The following XPNPEP3 variants were observed in gnomAD, a reference collection of about 807,000 sequenced individuals.
XPNPEP3 encodes the protein xaa-Pro aminopeptidase 3.
Under a neutral mutation model 60.0 loss-of-function variants are expected in XPNPEP3, and 41 were observed. The observed-to-expected ratio is 0.68, with a 90% CI of 0.53 to 0.89. The LOEUF is 0.89. Among genes scored for constraint, XPNPEP3 ranks in the 40% least tolerant of loss-of-function variants. The pLI, the probability that XPNPEP3 is intolerant of heterozygous loss-of-function variation, is 0.00. For missense variants in XPNPEP3, 598 were observed against 638.9 expected, an observed-to-expected ratio of 0.94 and a Z score of 0.69; for synonymous variants, 212 against 223.2, an observed-to-expected ratio of 0.95 and a Z score of 0.45.
intron 2 of XPNPEP3, among the ~76,000 whole-genome samples, chr22:40,877,964 T>A (rs146696461): frequency 9.8e-5 from 15 of 152,312 alleles, no homozygotes; most frequent in African/African-American, 2.9e-4. Context: ...CCCAGCATTT[T>A]GGGAGGCCGA....
intron 3 of XPNPEP3, among the ~76,000 whole-genome samples, chr22:40,882,842 T>TA (rs891847437): frequency 4.0e-5 from 6 of 151,482 alleles, no homozygotes; most frequent in South Asian, 2.1e-4. Flanking sequence ...ACATTTCAAT[T>TA]AAAAAAAAAC....
intron 3 of XPNPEP3, among the ~76,000 whole-genome samples, chr22:40,884,706 A>G (rs757909621): frequency 5.3e-5 from 8 of 151,384 alleles, no homozygotes; most frequent in Non-Finnish European, 1.0e-4. Context: ...TTGAACGTGT[A>G]GTAGAGATTG....
intron 1 of XPNPEP3, among the ~76,000 whole-genome samples, chr22:40,858,628 T>G (rs892483626): frequency 2.7e-5 from 4 of 145,906 alleles, no homozygotes; most frequent in African/African-American, 5.1e-5. Context: ...ACCTCCCGAG[T>G]TCAAGCGATT....
chr22:40,857,392 G>C, intron 1 of XPNPEP3, 147 bp downstream of exon 1: 1 of 911,960 alleles, frequency 1.1e-6, no homozygotes, highest in Non-Finnish European at 1.7e-6. Context: ...CTTCTATACC[G>C]GCTGCTCCTG....
chr22:40,860,996 T>A (rs966522762), intron 1 of XPNPEP3: 3 of 1,415,278 alleles, frequency 2.1e-6, no homozygotes, highest in Non-Finnish European at 2.9e-6. Flanking sequence ...TTAAGTGTTA[T>A]CTACAAAATT....
At chr22:40,923,993 T>C (rs1304979957) in intron 8 of XPNPEP3, among the ~76,000 whole-genome samples, 1 of 152,194 alleles carries the variant, frequency 6.6e-6, no homozygotes, top group Non-Finnish European at 1.5e-5. Flanking sequence ...ACTGTGATAA[T>C]AGTCATCCTC....
At chr22:40,861,708 A>C (rs201220691) in intron 1 of XPNPEP3, 2 of 1,613,992 alleles carry the variant, frequency 1.2e-6, no homozygotes, top group Non-Finnish European at 1.7e-6. Context: ...TTCTTTAAAA[A>C]CATCATCTGG....
At chr22:40,908,107 A>C (rs914012381) in intron 5 of XPNPEP3, among the ~76,000 whole-genome samples, 6 of 152,146 alleles carry the variant, frequency 3.9e-5, no homozygotes, top group African/African-American at 1.4e-4. Flanking sequence ...CCAGCTATTC[A>C]AGTGGCTGAG....
At position 40,857,217 on chromosome 22, in the gene XPNPEP3, C is replaced by T. The variant is rs1161200747; in HGVS notation, c.36C>T (p.Pro12=). 1.2e-6 allele frequency: 2 copies of T among 1,614,084 alleles called. No homozygotes were observed. The highest frequency in any genetic ancestry group is 1.7e-6 in the Non-Finnish European group (2 of 1,180,036). Residue 12 remains proline, a synonymous_variant, in exon 1 of 10, where the codon CCC becomes CCT. Transcript: ENST00000357137. ...PWLLSAPKLV[P]AVANVRGLSG... Reference sequence around the variant, plus strand: ...TGCTCTCAGCCCCCAAGCTGGTTCCCGCTGTAGCAAACGTCCGCGGCCTCT... The same window carrying T: ...TGCTCTCAGCCCCCAAGCTGGTTCCTGCTGTAGCAAACGTCCGCGGCCTCT...
At chr22:40,880,304 C>T (rs2058042516) in intron 2 of XPNPEP3, among the ~76,000 whole-genome samples, 1 of 151,704 alleles carries the variant, frequency 6.6e-6, no homozygotes, top group Non-Finnish European at 1.5e-5. Flanking sequence ...ATGGAGGCAT[C>T]AAGCAGAATG....
Position 40,882,187 on chromosome 22 carries a change from G to T in XPNPEP3, c.589+10G>T. ...CTACCAAAAATGAAAGGTAACAAAT[G>T]GGAGCAGAAGTCACATTACAAACCA... On this transcript the variant is annotated intron_variant, in intron 3 of 9. Transcript: ENST00000357137. 1 of 1,613,862 alleles carries T rather than the reference G, an allele frequency of 6.2e-7. No individual in the cohort carries two copies. The highest frequency in any genetic ancestry group is 8.5e-7 in the Non-Finnish European group (1 of 1,179,998).
At chr22:40,886,238 A>G in intron 3 of XPNPEP3, 75 bp from the exon 4 acceptor site, 1 of 1,473,702 alleles carries the variant, frequency 6.8e-7, no homozygotes, top group Non-Finnish European at 9.4e-7. Flanking sequence ...CTCTTGTTCA[A>G]GTCGTTATGA....
At chr22:40,884,492 G>C (rs2058060798) in intron 3 of XPNPEP3, among the ~76,000 whole-genome samples, 1 of 151,152 alleles carries the variant, frequency 6.6e-6, no homozygotes, top group Non-Finnish European at 1.5e-5. Context: ...ACCATGCCCG[G>C]GGAATTTTTC....
chr22:40,882,103 G>C lies in XPNPEP3; in HGVS notation c.515G>C (p.Gly172Ala), dbSNP rs1249652741. The part of the protein sequence containing the change: ...LWDGPRSGTD[G>A]AIALTGVDEA... The stretch of plus-strand genomic sequence containing the variant: ...GATGGTCCGCGATCTGGCACTGATG[G>C]AGCAATAGCTCTAACTGGAGTAGAC... Residue 172 changes from glycine (G) to alanine (A), a missense_variant, in exon 3 of 10, where the codon GGA becomes GCA. By Grantham distance (60) the Gly-to-Ala change is moderately conservative (BLOSUM62 0). Coordinates refer to ENST00000357137, the MANE Select transcript of XPNPEP3 (RefSeq NM_022098.4). 4 of 1,614,004 alleles carry C rather than the reference G, an allele frequency of 2.5e-6. No individual in the cohort carries two copies. The highest frequency in any genetic ancestry group is 3.4e-6 in the Non-Finnish European group (4 of 1,180,010).
chr22:40,928,398 G>A lies in XPNPEP3; in HGVS notation c.*1963G>A, dbSNP rs2058243210. On this transcript the variant is annotated 3_prime_UTR_variant, in exon 10 of 10. Transcript: ENST00000357137. ...ATTTTTTGTATTTTAGTAGAGACAG[G>A]GTTTCACCCTGTTGCCCAGGCCGGT... 1 of 152,062 alleles carries A rather than the reference G, an allele frequency of 6.6e-6. No individual in the cohort carries two copies. Among genetic ancestry groups the A allele is most frequent in the African/African-American group, 2.4e-5 (1 of 41,412 alleles). The allele number at this position is 152,062 out of a possible 1,614,324, so 9.4% of individuals were successfully genotyped here. A position where few individuals can be genotyped will look rare whatever the true frequency, so the allele number is the denominator to read the frequency against.
chr22:40,886,991 C>T (rs1698041927), intron 4 of XPNPEP3, among the ~76,000 whole-genome samples: 1 of 152,040 alleles, frequency 6.6e-6, no homozygotes, highest in Non-Finnish European at 1.5e-5. Flanking sequence ...TGCTTAATAC[C>T]TTGCAAGACA....
chr22:40,907,425 AAAAAAC>A (rs1259097116), intron 4 of XPNPEP3, among the ~76,000 whole-genome samples, 156 bp from the exon 5 acceptor site: 1 of 152,192 alleles, frequency 6.6e-6, no homozygotes, highest in African/African-American at 2.4e-5. Flanking sequence ...CGTCTCAAAA[AAAAAAC>A]AAAAAAAACT....
chr22:40,874,530 A>G (rs1439843114), intron 2 of XPNPEP3, among the ~76,000 whole-genome samples: 2 of 152,026 alleles, frequency 1.3e-5, no homozygotes, highest in Admixed American at 1.3e-4. Context: ...GGGTCAAACA[A>G]TCTTCCTGTC....
chr22:40,881,661 T>A, intron 2 of XPNPEP3, 109 bp from the exon 3 acceptor site: 5 of 1,286,996 alleles, frequency 3.9e-6, no homozygotes, highest in Non-Finnish European at 5.6e-6. Flanking sequence ...TGAGGAGATT[T>A]GGCATAAATT....
Sources: allele counts gnomAD v4.1 joint callset (sites outside exome capture counted in the v4.1 genomes callset), GRCh38; gene constraint gnomAD v4.1.1; transcripts MANE v1.5; gene names NCBI Gene and HGNC (gene_info 2026-07-23, HGNC 2026-07-21).